Variants in ADGRL2 observed in about 807,000 individuals in gnomAD.
ADGRL2 encodes the protein calcium-independent alpha-latrotoxin receptor 2.
A neutral mutation model predicts 157.4 loss-of-function variants in ADGRL2; 44 were observed. The ratio of observed to expected loss-of-function variants is 0.28; its 90% confidence interval spans 0.22 to 0.36. The LOEUF is 0.36. Among genes scored for constraint, ADGRL2 ranks in the 10% least tolerant of loss-of-function variants. The probability of loss-of-function intolerance (pLI) is 1.00; values close to 1 mark genes in which losing one functional copy is unlikely to be tolerated. For synonymous variants in ADGRL2, 585 were observed against 624.7 expected (o/e 0.94, Z 0.95); for missense variants, 1,510 against 1,768.9 (o/e 0.85, Z 2.63).
At chr1:81,663,010 T>G (rs2148886969) in intron 3 of ADGRL2, among the ~76,000 whole-genome samples, 1 of 152,096 alleles carries the variant, frequency 6.6e-6, no homozygotes, top group Middle Eastern at 3.4e-3. Context: ...ACAAACTGCC[T>G]TAGAATCAAG....
At position 81,955,936 on chromosome 1, in the gene ADGRL2, T is replaced by C. The variant is rs755178615; in HGVS notation, c.1893T>C (p.His631=). The change falls in exon 11 of 24, where the codon CAT becomes CAC. Residue 631 remains histidine (H), a synonymous_variant. Coordinates refer to ENST00000686636, the MANE Select transcript of ADGRL2 (RefSeq NM_001366006.2). The part of the protein sequence containing the change: ...LRPEALESWK[H]MNSSEQAHTA... ...CCGAAGCTTTGGAATCATGGAAACA[T>C]ATGAATTCTTCTGAACAAGCACATA... 25 of 1,607,812 alleles carry C rather than the reference T, an allele frequency of 1.6e-5. No homozygotes were observed. In the South Asian group the frequency reaches 2.1e-4, roughly 14 times the overall value.
intron 17 of ADGRL2, among the ~76,000 whole-genome samples, chr1:81,973,139 A>T (rs899606836): frequency 6.6e-6 from 1 of 152,192 alleles, no homozygotes; most frequent in Non-Finnish European, 1.5e-5. Context: ...CTTCAAGTGT[A>T]TATTTGTTTG....
intron 2 of ADGRL2, among the ~76,000 whole-genome samples, chr1:81,773,125 G>T (rs779696683): frequency 1.3e-5 from 2 of 152,118 alleles, no homozygotes; most frequent in African/African-American, 4.8e-5. Flanking sequence ...AACTGGAATT[G>T]TGGAACAGAC....
intron 1 of ADGRL2, among the ~76,000 whole-genome samples, chr1:81,808,961 T>C (rs1466532139): frequency 6.6e-6 from 1 of 152,066 alleles, no homozygotes; most frequent in Non-Finnish European, 1.5e-5. Context: ...AGGACAAATG[T>C]CACTTTAAAT....
chr1:81,462,007 G>C (rs1443835007), intron 2 of ADGRL2, among the ~76,000 whole-genome samples: 3 of 151,782 alleles, frequency 2.0e-5, no homozygotes, highest in Non-Finnish European at 2.9e-5. Context: ...AGCCAGCTGG[G>C]CTTCTGGGTC....
At chr1:81,917,443 T>C (rs2148528242) in intron 3 of ADGRL2, among the ~76,000 whole-genome samples, 2 of 151,472 alleles carry the variant, frequency 1.3e-5, no homozygotes, top group Admixed American at 1.3e-4. Context: ...TTTTTAGTGC[T>C]GTTTATTACT....
At chr1:81,924,251 A>G (rs2095053873) in intron 3 of ADGRL2, among the ~76,000 whole-genome samples, 2 of 152,326 alleles carry the variant, frequency 1.3e-5, no homozygotes, top group East Asian at 1.9e-4. Flanking sequence ...GACTAGAAGC[A>G]TAGTATCCTA....
intron 1 of ADGRL2, chr1:81,735,048 A>G (rs559346821): frequency 6.7e-6 from 1 of 148,288 alleles, no homozygotes. Context: ...GAAAAAAAAA[A>G]GTTAAAAAAC....
intron 1 of ADGRL2, among the ~76,000 whole-genome samples, chr1:81,351,083 G>A (rs1426848921): frequency 6.6e-6 from 1 of 152,030 alleles, no homozygotes; most frequent in African/African-American, 2.4e-5. Flanking sequence ...ATTTGACAAT[G>A]TCCCCTTAAG....
chr1:81,309,537 A>C (rs1659590668), intron 1 of ADGRL2, among the ~76,000 whole-genome samples: 1 of 152,122 alleles, frequency 6.6e-6, no homozygotes, highest in South Asian at 2.1e-4. Context: ...CACCCCCCAC[A>C]AATAGCAAAA....
At chr1:81,644,655 A>T (rs1007419021) in intron 3 of ADGRL2, among the ~76,000 whole-genome samples, 1 of 152,170 alleles carries the variant, frequency 6.6e-6, no homozygotes, top group Non-Finnish European at 1.5e-5. Context: ...ATTCATTCAA[A>T]CCCATAGAAG....
At chr1:81,941,378 G>C (rs1333041088) in intron 4 of ADGRL2, among the ~76,000 whole-genome samples, 1 of 151,196 alleles carries the variant, frequency 6.6e-6, no homozygotes, top group Admixed American at 6.6e-5. Context: ...CTAAAGAGGA[G>C]GCTTTTTTAA....
chr1:81,358,879 A>G (rs1457925513), intron 1 of ADGRL2, among the ~76,000 whole-genome samples: 2 of 152,072 alleles, frequency 1.3e-5, no homozygotes, highest in Non-Finnish European at 2.9e-5. Context: ...GGTAGGAGAG[A>G]GATCTACTCC....
At chr1:81,370,567 G>T (rs367859252) in intron 1 of ADGRL2, among the ~76,000 whole-genome samples, 1 of 151,930 alleles carries the variant, frequency 6.6e-6, no homozygotes, top group Non-Finnish European at 1.5e-5. Flanking sequence ...TTAAATATAG[G>T]CATCCTAAAA....
At chr1:81,427,054 T>G in intron 1 of ADGRL2, 2 of 1,338,418 alleles carry the variant, frequency 1.5e-6, no homozygotes, top group Non-Finnish European at 2.1e-6. Context: ...TACCACACTA[T>G]TAATGGGCAT....
chr1:81,660,000 T>C (rs556584504), intron 3 of ADGRL2, among the ~76,000 whole-genome samples: 9 of 152,276 alleles, frequency 5.9e-5, no homozygotes, highest in Non-Finnish European at 1.3e-4. Flanking sequence ...AAATGCCAAA[T>C]TTGATCACTA....
At chr1:81,326,775 G>A (rs889926927) in intron 1 of ADGRL2, among the ~76,000 whole-genome samples, 1 of 152,048 alleles carries the variant, frequency 6.6e-6, no homozygotes, top group Non-Finnish European at 1.5e-5. Context: ...TTTTAATAAA[G>A]GTAAGTCTAA....
At chr1:81,502,910 C>A in intron 2 of ADGRL2, 1 of 1,612,936 alleles carries the variant, frequency 6.2e-7, no homozygotes, top group South Asian at 1.1e-5. Flanking sequence ...GGCACCAATA[C>A]CAGTAGCCCT....
chr1:81,480,886 C>T (rs1487211744), intron 2 of ADGRL2, among the ~76,000 whole-genome samples: 1 of 152,150 alleles, frequency 6.6e-6, no homozygotes, highest in Admixed American at 6.5e-5. Flanking sequence ...CTTGTTGTGA[C>T]AATTTTATCA....
Sources: allele counts gnomAD v4.1 joint callset (sites outside exome capture counted in the v4.1 genomes callset), GRCh38; gene constraint gnomAD v4.1.1; transcripts MANE v1.5; gene names NCBI Gene and HGNC (gene_info 2026-07-23, HGNC 2026-07-21).